AUTS2: variants seen among roughly 807,000 people sequenced by gnomAD.
AUTS2 encodes the protein autism susceptibility gene 2 protein.
A neutral mutation model predicts 112.4 loss-of-function variants in AUTS2; 17 were observed. The ratio of observed to expected loss-of-function variants is 0.15; its 90% CI spans 0.10 to 0.23. The LOEUF is 0.23. AUTS2 is among the 10% of genes least tolerant of loss of function. AUTS2 has a pLI of 1.00. For synonymous variants in AUTS2, 751 were observed against 702.7 expected (o/e 1.07, Z -1.09); for missense variants, 1,510 against 1,701.6 (o/e 0.89, Z 1.98).
chr7:70,324,767 A>G (rs1320212895), intron 4 of AUTS2, among the ~76,000 whole-genome samples: 1 of 152,238 alleles, frequency 6.6e-6, no homozygotes, highest in Non-Finnish European at 1.5e-5. Context: ...TGATGTGAGA[A>G]GATGTTATTG....
intron 3 of AUTS2, among the ~76,000 whole-genome samples, chr7:70,124,441 GC>G (rs1805851655): frequency 1.3e-5 from 2 of 152,166 alleles, no homozygotes; most frequent in Admixed American, 6.5e-5. Flanking sequence ...TTTCCTATGT[GC>G]AGCATAGTAC....
intron 2 of AUTS2, among the ~76,000 whole-genome samples, chr7:69,906,008 C>A (rs371223200): frequency 1.3e-5 from 2 of 152,198 alleles, no homozygotes; most frequent in South Asian, 2.1e-4. Flanking sequence ...TATTAAGGGC[C>A]ATTTAAATCC....
chr7:70,186,397 G>A (rs963023409), intron 4 of AUTS2, among the ~76,000 whole-genome samples: 7 of 151,948 alleles, frequency 4.6e-5, no homozygotes, highest in African/African-American at 1.7e-4. Flanking sequence ...TTTTACTCAC[G>A]TTAGAGCGTT....
rs74473545 is a variant in AUTS2, at chr7:70,242,306, G to T, written c.660+107735G>T. ...ATTCGGATAAGTGACCATCCAGCCT[G>T]CACCAGAGCATTGCCAGAGACTGGC... On this transcript the variant is annotated intron_variant, in intron 4 of 18. Transcript: ENST00000342771. 2.9e-3 allele frequency among the ~76,000 whole-genome samples: 443 copies of T among 152,278 alleles called. 5 individuals carry two copies. Among genetic ancestry groups the T allele is most frequent in the African/African-American group, 0.01 (429 of 41,556 alleles).
At chr7:69,896,030 A>G (rs1345937862) in intron 1 of AUTS2, among the ~76,000 whole-genome samples, 4 of 152,250 alleles carry the variant, frequency 2.6e-5, no homozygotes, top group African/African-American at 7.2e-5. Flanking sequence ...CACATTATAT[A>G]GAAGCAGCCC....
intron 4 of AUTS2, among the ~76,000 whole-genome samples, chr7:70,254,270 C>CT: frequency 6.6e-6 from 1 of 152,224 alleles, no homozygotes; most frequent in African/African-American, 2.4e-5. Flanking sequence ...GTAATTATGT[C>CT]TTTTTTCAAT....
chr7:69,735,073 A>G (rs1237086573), intron 1 of AUTS2, among the ~76,000 whole-genome samples: 1 of 152,222 alleles, frequency 6.6e-6, no homozygotes, highest in African/African-American at 2.4e-5. Context: ...GATTCTGTAT[A>G]TAATTTGTAG....
chr7:69,645,464 A>C (rs1794982837), intron 1 of AUTS2, among the ~76,000 whole-genome samples: 1 of 152,184 alleles, frequency 6.6e-6, no homozygotes, highest in South Asian at 2.1e-4. Flanking sequence ...TTGTGCAATG[A>C]TGTATAGTCA....
intron 4 of AUTS2, among the ~76,000 whole-genome samples, chr7:70,351,052 C>CT (rs34943340): frequency 3.5e-3 from 468 of 134,940 alleles, no homozygotes; most frequent in African/African-American, 1.0e-2. Flanking sequence ...TTGTCTTCTT[C>CT]TTTTTTTTTT....
intron 4 of AUTS2, among the ~76,000 whole-genome samples, chr7:70,427,735 G>A (rs1795493045): frequency 6.6e-6 from 1 of 152,190 alleles, no homozygotes; most frequent in Non-Finnish European, 1.5e-5. Context: ...TTGAATGAGT[G>A]TGTTATTATC....
chr7:69,778,247 T>TA (rs1491333935), intron 1 of AUTS2, among the ~76,000 whole-genome samples: 6,724 of 37,952 alleles, frequency 0.18, 242 homozygotes, highest in Middle Eastern at 0.27. Context: ...TATATATATA[T>TA]TTTTTTTTTT....
At chr7:70,425,755 T>C (rs1184798313) in intron 4 of AUTS2, among the ~76,000 whole-genome samples, 1 of 152,220 alleles carries the variant, frequency 6.6e-6, no homozygotes, top group African/African-American at 2.4e-5. Context: ...TGAAGAATTC[T>C]ATTCTATCTA....
At chr7:70,292,123 T>C (rs1438130214) in intron 4 of AUTS2, 1 of 152,248 alleles carries the variant, frequency 6.6e-6, no homozygotes, top group Non-Finnish European at 1.5e-5. Flanking sequence ...TTTGCTTCCA[T>C]GATGAGCATT....
chr7:69,672,404 C>G (rs1297422259), intron 1 of AUTS2, among the ~76,000 whole-genome samples: 1 of 152,132 alleles, frequency 6.6e-6, no homozygotes, highest in South Asian at 2.1e-4. Context: ...GAAGATGTGT[C>G]CATGAACTCT....
chr7:70,574,044 T>G (rs1802058283), intron 5 of AUTS2, among the ~76,000 whole-genome samples: 1 of 152,136 alleles, frequency 6.6e-6, no homozygotes, highest in Admixed American at 6.5e-5. Flanking sequence ...GCTTCTACCA[T>G]GGCGTTTTCC....
At position 69,709,017 on chromosome 7, in the gene AUTS2, A is replaced by T. The variant is rs1329297865; in HGVS notation, c.309+109055A>T. On this transcript the variant is annotated intron_variant, in intron 1 of 18. Coordinates refer to ENST00000342771, the MANE Select transcript of AUTS2 (RefSeq NM_015570.4). ...ACTCAGCTGATGCCCTTGCTGCCTG[A>T]TTGGGTGCTTGTGTACTAAGTACTT... Among the ~76,000 whole-genome samples the T allele has an allele frequency of 3.9e-5, 6 of 152,294 alleles. No homozygotes were observed. The East Asian group carries it at 1.2e-3, about 29-fold the overall frequency.
chr7:70,281,010 A>AT (rs1017015750), intron 4 of AUTS2, among the ~76,000 whole-genome samples: 11 of 151,820 alleles, frequency 7.2e-5, no homozygotes, highest in South Asian at 6.2e-4. Flanking sequence ...CCACGTTCTT[A>AT]TTTTTTTTAT....
At chr7:70,409,600 C>T (rs561815573) in intron 4 of AUTS2, among the ~76,000 whole-genome samples, 4 of 152,256 alleles carry the variant, frequency 2.6e-5, no homozygotes, top group East Asian at 3.9e-4. Flanking sequence ...CATGAGGAGG[C>T]GTGTCATCTT....
At chr7:69,629,006 C>T (rs1212054367) in intron 1 of AUTS2, among the ~76,000 whole-genome samples, 1 of 152,126 alleles carries the variant, frequency 6.6e-6, no homozygotes, top group Non-Finnish European at 1.5e-5. Context: ...TTTACAATAA[C>T]CCTTTGAGAA....
Sources: allele counts gnomAD v4.1 joint callset (sites outside exome capture counted in the v4.1 genomes callset), GRCh38; gene constraint gnomAD v4.1.1; transcripts MANE v1.5; gene names NCBI Gene and HGNC (gene_info 2026-07-23, HGNC 2026-07-21).